The following CHST11 variants were observed in gnomAD, a reference collection of about 807,000 sequenced individuals.
CHST11 encodes C4S-1.
Under a neutral mutation model 30.4 loss-of-function variants are expected in CHST11, and 9 were observed. The observed-to-expected ratio is 0.30, with a 90% CI of 0.18 to 0.52. The LOEUF (loss-of-function observed/expected upper bound fraction) is 0.52, where lower values mean the gene tolerates loss of function less well. CHST11 is among the 20% of genes least tolerant of loss of function. The probability of loss-of-function intolerance (pLI) is 0.97; values close to 1 mark genes in which losing one functional copy is unlikely to be tolerated. For missense variants in CHST11, 348 were observed against 460.6 expected (o/e 0.76, Z 2.24); for synonymous variants, 152 against 187.8 (o/e 0.81, Z 1.56).
At chr12:104,618,354 G>A (rs146776981) in intron 2 of CHST11, among the ~76,000 whole-genome samples, 2,071 of 151,816 alleles carry the variant, frequency 0.014, 19 homozygotes, top group Middle Eastern at 0.041. Context: ...CTCCCAAGTA[G>A]CTGGGACCAC....
At chr12:104,483,512 T>G (rs1037138689) in intron 1 of CHST11, among the ~76,000 whole-genome samples, 5 of 152,214 alleles carry the variant, frequency 3.3e-5, no homozygotes, top group African/African-American at 1.2e-4. Context: ...GGCCTCCCCA[T>G]GCACTTTGAC....
intron 2 of CHST11, among the ~76,000 whole-genome samples, chr12:104,736,875 G>C (rs1164077535): frequency 1.3e-5 from 2 of 152,198 alleles, no homozygotes; most frequent in African/African-American, 2.4e-5. Flanking sequence ...GAAAGCATAG[G>C]AGAAATGCAT....
At chr12:104,538,160 A>G (rs927270809) in intron 1 of CHST11, among the ~76,000 whole-genome samples, 11 of 152,154 alleles carry the variant, frequency 7.2e-5, no homozygotes, top group Non-Finnish European at 2.9e-5. Context: ...TTTAGTTGTC[A>G]TGTCTTCATA....
intron 1 of CHST11, among the ~76,000 whole-genome samples, chr12:104,588,548 A>G (rs1354876220): frequency 6.6e-6 from 1 of 152,164 alleles, no homozygotes; most frequent in Admixed American, 6.5e-5. Flanking sequence ...GACCAGACCC[A>G]CCCAGGTGGC....
chr12:104,540,506 G>A (rs958727459), intron 1 of CHST11, among the ~76,000 whole-genome samples: 2 of 152,236 alleles, frequency 1.3e-5, no homozygotes, highest in African/African-American at 4.8e-5. Context: ...GTCAGAAAGA[G>A]TGTGTATGTG....
At position 104,492,761 on chromosome 12, in the gene CHST11, C is replaced by T. The variant is rs74241089; in HGVS notation, c.118+35232C>T. Among the ~76,000 whole-genome samples, 1,788 of 152,212 alleles carry T rather than the reference C, an allele frequency of 0.012. 62 individuals carry two copies. The East Asian group carries it at 0.15, about 12-fold the overall frequency. ...TAAGAATCCAGGATGTGTCCGGGTG[C>T]GGTGGCTCACGCCTGTAATCCTAGC... On this transcript the variant is annotated intron_variant, in intron 1 of 2. Coordinates refer to ENST00000303694, the MANE Select transcript of CHST11 (RefSeq NM_018413.6).
chr12:104,491,927 CAGCCATGTGGATCT>C (rs1333195866), intron 1 of CHST11, among the ~76,000 whole-genome samples: 47 of 152,160 alleles, frequency 3.1e-4, no homozygotes, highest in African/African-American at 1.1e-3. Context: ...TGCTGTGCTC[CAGCCATGTGGATCT>C]TCCTCCTGTC....
At chr12:104,537,883 A>G (rs2038253005) in intron 1 of CHST11, among the ~76,000 whole-genome samples, 1 of 151,880 alleles carries the variant, frequency 6.6e-6, no homozygotes, top group Admixed American at 6.6e-5. Context: ...CTTGGTAGAG[A>G]TGAGGTCTTG....
At chr12:104,675,224 T>C (rs1340066441) in intron 2 of CHST11, among the ~76,000 whole-genome samples, 4 of 152,236 alleles carry the variant, frequency 2.6e-5, no homozygotes, top group Admixed American at 2.6e-4. Context: ...TAGTCGTCAT[T>C]ATTTTAAAAA....
At chr12:104,485,948 G>C (rs2037673123) in intron 1 of CHST11, among the ~76,000 whole-genome samples, 1 of 152,218 alleles carries the variant, frequency 6.6e-6, no homozygotes, top group African/African-American at 2.4e-5. Flanking sequence ...CGGCCTGCTT[G>C]GTTAAAAGCT....
intron 1 of CHST11, among the ~76,000 whole-genome samples, chr12:104,497,953 G>A (rs2037816663): frequency 9.0e-6 from 1 of 111,428 alleles, no homozygotes; most frequent in Non-Finnish European, 1.7e-5. Context: ...GTCTCACTCT[G>A]TTGTCACCCA....
At chr12:104,599,511 C>G (rs575020596) in intron 1 of CHST11, among the ~76,000 whole-genome samples, 4 of 152,122 alleles carry the variant, frequency 2.6e-5, no homozygotes, top group African/African-American at 4.8e-5. Flanking sequence ...GGGCAACTTG[C>G]GTGCATTTCA....
At chr12:104,724,693 C>G (rs1234833567) in intron 2 of CHST11, among the ~76,000 whole-genome samples, 1 of 152,002 alleles carries the variant, frequency 6.6e-6, no homozygotes, top group Non-Finnish European at 1.5e-5. Flanking sequence ...GGAGGACTCC[C>G]TTAGTCTTTC....
intron 2 of CHST11, among the ~76,000 whole-genome samples, chr12:104,709,533 G>C (rs1351200968): frequency 6.6e-6 from 1 of 152,224 alleles, no homozygotes; most frequent in East Asian, 1.9e-4. Flanking sequence ...AAATGAAAGA[G>C]TTGACTGGGA....
At chr12:104,483,549 A>G (rs556444333) in intron 1 of CHST11, among the ~76,000 whole-genome samples, 39 of 152,160 alleles carry the variant, frequency 2.6e-4, no homozygotes, top group Non-Finnish European at 4.6e-4. Flanking sequence ...CCATTTGTCC[A>G]TGCAGCAATC....
intron 2 of CHST11, among the ~76,000 whole-genome samples, chr12:104,709,494 G>A (rs986768003): frequency 6.6e-6 from 1 of 152,242 alleles, no homozygotes; most frequent in African/African-American, 2.4e-5. Flanking sequence ...AGCTCTGGGT[G>A]GGGCCGGGGA....
intron 1 of CHST11, among the ~76,000 whole-genome samples, chr12:104,549,090 T>C (rs2136007733): frequency 1.3e-5 from 2 of 152,270 alleles, no homozygotes; most frequent in South Asian, 4.1e-4. Context: ...CTATGCAGCT[T>C]GTCAAAATAT....
At chr12:104,554,453 G>C (rs1343034028) in intron 1 of CHST11, among the ~76,000 whole-genome samples, 1 of 152,226 alleles carries the variant, frequency 6.6e-6, no homozygotes, top group Non-Finnish European at 1.5e-5. Flanking sequence ...GAGCAAGGAT[G>C]CATGGGCTCT....
chr12:104,724,727 G>A (rs2040203874), intron 2 of CHST11, among the ~76,000 whole-genome samples: 1 of 152,058 alleles, frequency 6.6e-6, no homozygotes, highest in African/African-American at 2.4e-5. Flanking sequence ...AGCTGCCGCA[G>A]TTGCCTTACA....
Sources: gnomAD v4.1 joint callset for allele counts (sites outside exome capture counted in the v4.1 genomes callset) on GRCh38, gnomAD v4.1.1 for gene constraint, MANE v1.5 for transcripts, NCBI Gene and HGNC (gene_info 2026-07-23, HGNC 2026-07-21) for gene names.